Variants in AEN observed in about 807,000 individuals in gnomAD.
AEN encodes apoptosis enhancing nuclease, also known as apoptosis-enhancing nuclease.
Under a neutral mutation model 17.7 loss-of-function variants are expected in AEN, and 21 were observed. The observed-to-expected ratio is 1.19, with a 90% confidence interval of 0.84 to 1.71. The LOEUF is 1.71. Ranked by LOEUF, AEN falls within the 40% of genes most tolerant of loss-of-function variation. The pLI is 0.00. For missense variants in AEN, 462 were observed against 435.9 expected (o/e 1.06, Z -0.53); for synonymous variants, 190 against 173.0 (o/e 1.10, Z -0.77).
At chr15:88,621,104 C>G (rs1419080137), upstream of AEN, among the ~76,000 whole-genome samples, 2 of 152,198 alleles carry the variant, frequency 1.3e-5, no homozygotes, top group African/African-American at 4.8e-5. Context: ...CGGGCAGGGA[C>G]GACAGGAGGT....
chr15:88,629,978 T>C (rs1296152192), intron 3 of AEN, 80 bp from the exon 4 acceptor site: 7 of 1,376,792 alleles, frequency 5.1e-6, no homozygotes, highest in Non-Finnish European at 7.2e-6. Flanking sequence ...CAAAGAGCCC[T>C]GGGAAACTGG....
chr15:88,612,667 C>A, the AEN span, among the ~76,000 whole-genome samples: 2 of 151,878 alleles, frequency 1.3e-5, no homozygotes, highest in African/African-American at 4.8e-5. Context: ...GTGGTACAGT[C>A]CTGACTCACT....
the AEN span, among the ~76,000 whole-genome samples, chr15:88,612,300 C>A: frequency 6.6e-6 from 1 of 152,142 alleles, no homozygotes; most frequent in African/African-American, 2.4e-5. Context: ...TATGCGGGCA[C>A]CGAGAGGTAT....
chr15:88,629,364 CA>C lies in AEN; in HGVS notation c.680del (p.His227ProfsTer8). The C allele has an allele frequency of 1.2e-6, 2 of 1,614,124 alleles. No individual in the cohort carries two copies. The highest frequency in any genetic ancestry group is 1.7e-6 in the Non-Finnish European group (2 of 1,180,012). On this transcript the variant is annotated frameshift_variant, in exon 3 of 4. Coordinates refer to ENST00000332810, the MANE Select transcript of AEN (RefSeq NM_022767.4). LOFTEE classifies it high-confidence loss of function. ...VPNFLSEPGL[H>X]TRARVSLKDL... ...AAACTTCCTCAGCGAGCCCGGCCTC[CA>C]CACCCGGGCCCGGGTCTCTCTAAAG...
chr15:88,625,555 C>T (rs931734231), intron 1 of AEN, among the ~76,000 whole-genome samples: 5 of 152,130 alleles, frequency 3.3e-5, no homozygotes, highest in Admixed American at 2.0e-4. Flanking sequence ...TATCATATTA[C>T]AAAAAAATAC....
Position 88,626,578 on chromosome 15 carries a change from A to C in AEN, c.369A>C (p.Arg123=), listed in dbSNP as rs1330893926. ...GTGAGATGGTGGGCACGGGACCCCG[A>C]GGGCGGGTAAGCGAGCTGGCCCGCT... ...IDCEMVGTGP[R]GRVSELARCS... Residue 123 remains arginine (R), a synonymous_variant, in exon 2 of 4, where the codon CGA becomes CGC. Transcript: ENST00000332810. 2.5e-6 allele frequency: 4 copies of C among 1,614,028 alleles called. No individual in the cohort carries two copies. Among genetic ancestry groups the C allele is most frequent in the African/African-American group, 2.7e-5 (2 of 74,952 alleles).
upstream of AEN, among the ~76,000 whole-genome samples, chr15:88,620,752 T>C (rs929329630): frequency 2.6e-5 from 4 of 152,300 alleles, no homozygotes; most frequent in Admixed American, 2.6e-4. Context: ...GTTTCCCTGC[T>C]GTTAGATAAA....
the AEN span, among the ~76,000 whole-genome samples, chr15:88,611,444 A>T: frequency 3.3e-5 from 5 of 150,720 alleles, no homozygotes; most frequent in African/African-American, 1.2e-4. Flanking sequence ...AAAAAAAAAA[A>T]AAAAAAAAAA....
At chr15:88,613,498 G>A in the AEN span, among the ~76,000 whole-genome samples, 1 of 152,100 alleles carries the variant, frequency 6.6e-6, no homozygotes, top group Non-Finnish European at 1.5e-5. Flanking sequence ...GAGGAGGGGA[G>A]TTGAGTCTCT....
rs1185870387 is a variant in AEN at position 88,629,498 on chromosome 15, G to T, written c.741+72G>T. 6 of 1,536,116 alleles carry T rather than the reference G, an allele frequency of 3.9e-6. No individual in the cohort carries two copies. In the Admixed American group the frequency reaches 1.1e-4, roughly 28 times the overall value. On this transcript the variant is annotated intron_variant, in intron 3 of 3. Coordinates refer to ENST00000332810, the MANE Select transcript of AEN (RefSeq NM_022767.4). ...TCCATGCCACCTGAGCCACAGACAAGGCTTTGGGCTGTGTCTCCAGCCTCC... is the reference window on the plus strand; with the variant it reads ...TCCATGCCACCTGAGCCACAGACAATGCTTTGGGCTGTGTCTCCAGCCTCC...
the AEN span, among the ~76,000 whole-genome samples, chr15:88,606,614 G>C: frequency 6.6e-6 from 1 of 152,160 alleles, no homozygotes; most frequent in African/African-American, 2.4e-5. Flanking sequence ...GTTACGGTGG[G>C]TGGCGGGGCT....
chr15:88,630,905 A>G lies in AEN; in HGVS notation c.*611A>G. The stretch of plus-strand genomic sequence containing the variant: ...AACTCTGGCTACAGCCATTGTAGGA[A>G]CTCCGTGCCTGGCCTGTCAGCTCCC... On this transcript the variant is annotated 3_prime_UTR_variant, in exon 4 of 4. Coordinates refer to ENST00000332810, the MANE Select transcript of AEN (RefSeq NM_022767.4). The surrounding 1 kb of genome is among the most constrained non-coding windows in gnomAD (Gnocchi z 5.1). 1 of 302,040 alleles carries G rather than the reference A, an allele frequency of 3.3e-6. No homozygotes were observed. The highest frequency in any genetic ancestry group is 2.8e-5 in the South Asian group (1 of 36,266). The allele number at this position is 302,040 out of a possible 1,614,324, so 18.7% of individuals were successfully genotyped here.
chr15:88,624,034 G>A (rs1414660271), intron 1 of AEN, among the ~76,000 whole-genome samples: 2 of 152,238 alleles, frequency 1.3e-5, no homozygotes, highest in African/African-American at 4.8e-5. Context: ...GCACACAGAT[G>A]TAGCCTCTTC....
At chr15:88,611,433 TAAAAAA>T in the AEN span, among the ~76,000 whole-genome samples, 1 of 94,026 alleles carries the variant, frequency 1.1e-5, no homozygotes, top group Admixed American at 1.2e-4. Context: ...TTGTCTTTAC[TAAAAAA>T]AAAAAAAAAA....
intron 2 of AEN, chr15:88,628,024 G>C (rs2057876775): frequency 6.6e-6 from 1 of 152,042 alleles, no homozygotes; most frequent in African/African-American, 2.4e-5. Context: ...AATGATCGGA[G>C]GTTATTTTAT....
chr15:88,628,456 G>A (rs1248236082), intron 2 of AEN: 5 of 151,640 alleles, frequency 3.3e-5, no homozygotes, highest in South Asian at 2.1e-4. Flanking sequence ...GTATGAGGAG[G>A]GCCACCCAGC....
At chr15:88,624,883 C>CAAAAAAAAAA (rs10701067) in intron 1 of AEN, among the ~76,000 whole-genome samples, 4 of 148,668 alleles carry the variant, frequency 2.7e-5, no homozygotes, top group African/African-American at 4.9e-5. Flanking sequence ...AACTCCGCCT[C>CAAAAAAAAAA]AAAAAATGCC....
intron 2 of AEN, chr15:88,627,526 T>C (rs758083466): frequency 1.9e-4 from 28 of 151,348 alleles, no homozygotes; most frequent in Non-Finnish European, 4.0e-4. Flanking sequence ...CCAATAAGTA[T>C]GGCACTTTAC....
At chr15:88,621,221 C>G (rs2057782134), upstream of AEN, 1 of 152,312 alleles carries the variant, frequency 6.6e-6, no homozygotes, top group African/African-American at 2.4e-5. Context: ...GCCCGCCTCC[C>G]CGCTGCCAGG....
Sources: allele counts gnomAD v4.1 joint callset (sites outside exome capture counted in the v4.1 genomes callset), GRCh38; gene constraint gnomAD v4.1.1; non-coding constraint Gnocchi (gnomAD v3.1); transcripts MANE v1.5; gene names NCBI Gene and HGNC (gene_info 2026-07-23, HGNC 2026-07-21).